ST6GALNAC3: variants seen among roughly 807,000 people sequenced by gnomAD.
ST6GALNAC3 encodes alpha-N-acetylgalactosaminide alpha-2,6-sialyltransferase 3.
Under a neutral mutation model 32.7 loss-of-function variants are expected in ST6GALNAC3, and 25 were observed. The ratio of observed to expected loss-of-function variants is 0.76; its 90% CI spans 0.56 to 1.07. The LOEUF (loss-of-function observed/expected upper bound fraction) is 1.07. ST6GALNAC3 is among the 50% of genes least tolerant of loss of function. The pLI, the probability that ST6GALNAC3 is intolerant of heterozygous loss-of-function variation, is 0.00. For synonymous variants in ST6GALNAC3, 129 were observed against 133.1 expected, an observed-to-expected ratio of 0.97 and a Z score of 0.21; for missense variants, 355 against 382.4, an observed-to-expected ratio of 0.93 and a Z score of 0.60.
At chr1:76,216,825 A>G (rs1341371734) in intron 1 of ST6GALNAC3, among the ~76,000 whole-genome samples, 2 of 152,214 alleles carry the variant, frequency 1.3e-5, no homozygotes, top group Non-Finnish European at 2.9e-5. Context: ...TTTGATGTGT[A>G]AAAATTAGTG....
chr1:76,247,148 A>T lies in ST6GALNAC3; in HGVS notation c.19-66657A>T, dbSNP rs185402475. Among the ~76,000 whole-genome samples the T allele has an allele frequency of 1.3e-3, 194 of 152,258 alleles. 1 individual carries two copies. Among genetic ancestry groups the T allele is most frequent in the African/African-American group, 4.6e-3 (193 of 41,560 alleles). ...CAGTGGAGGCTGCAGAACAGCAAAGATTGCTTCTTACTCCTTCCTCTGGAA... is the reference window on the plus strand; with the variant it reads ...CAGTGGAGGCTGCAGAACAGCAAAGTTTGCTTCTTACTCCTTCCTCTGGAA... On this transcript the variant is annotated intron_variant, in intron 1 of 4. Transcript: ENST00000328299.
chr1:76,174,671 T>TC (rs1652738587), intron 1 of ST6GALNAC3, among the ~76,000 whole-genome samples: 1 of 149,662 alleles, frequency 6.7e-6, no homozygotes, highest in Non-Finnish European at 1.5e-5. Context: ...TTCTTTTTTT[T>TC]TTTTCTTTTT....
intron 1 of ST6GALNAC3, among the ~76,000 whole-genome samples, chr1:76,271,746 G>T (rs931807083): frequency 1.3e-5 from 2 of 152,202 alleles, no homozygotes; most frequent in Non-Finnish European, 2.9e-5. Context: ...TTTGGGAAAA[G>T]ACTGCTGAAA....
chr1:76,504,067 A>G (rs1396015532), intron 3 of ST6GALNAC3, among the ~76,000 whole-genome samples: 1 of 152,200 alleles, frequency 6.6e-6, no homozygotes, highest in Non-Finnish European at 1.5e-5. Context: ...TCGGTGGCTT[A>G]AAACAACAGA....
chr1:76,209,763 C>G (rs1324618966), intron 1 of ST6GALNAC3, among the ~76,000 whole-genome samples: 2 of 152,182 alleles, frequency 1.3e-5, no homozygotes, highest in Non-Finnish European at 2.9e-5. Context: ...GTCAGTTATT[C>G]TTTACTCAGT....
At chr1:76,179,465 G>A (rs952220697) in intron 1 of ST6GALNAC3, among the ~76,000 whole-genome samples, 1 of 152,144 alleles carries the variant, frequency 6.6e-6, no homozygotes, top group Non-Finnish European at 1.5e-5. Flanking sequence ...CACCATGTGT[G>A]GCCTGGATTA....
intron 2 of ST6GALNAC3, among the ~76,000 whole-genome samples, chr1:76,326,827 T>G (rs982636818): frequency 3.5e-4 from 2 of 5,744 alleles, no homozygotes; most frequent in Non-Finnish European, 6.5e-4. Flanking sequence ...AAGTTTTGGG[T>G]TTTTTTTTTT....
intron 1 of ST6GALNAC3, among the ~76,000 whole-genome samples, chr1:76,209,376 G>A (rs1318093356): frequency 1.3e-5 from 2 of 152,166 alleles, no homozygotes; most frequent in Non-Finnish European, 2.9e-5. Flanking sequence ...TGTGCAGATT[G>A]CATCCTGGTC....
intron 2 of ST6GALNAC3, among the ~76,000 whole-genome samples, chr1:76,406,344 A>G (rs539427433): frequency 6.6e-6 from 1 of 152,086 alleles, no homozygotes; most frequent in Admixed American, 6.6e-5. Flanking sequence ...ATCATCTGCC[A>G]TGGTCTTTTT....
chr1:76,296,461 C>A (rs2100834012), intron 1 of ST6GALNAC3, among the ~76,000 whole-genome samples: 1 of 152,220 alleles, frequency 6.6e-6, no homozygotes, highest in South Asian at 2.1e-4. Flanking sequence ...TCCTGGACTT[C>A]TTTTCTCCCA....
chr1:76,302,464 T>A (rs1660782939), intron 1 of ST6GALNAC3, among the ~76,000 whole-genome samples: 1 of 152,022 alleles, frequency 6.6e-6, no homozygotes, highest in Non-Finnish European at 1.5e-5. Flanking sequence ...GAATAGCTGT[T>A]TGGTGTTTCA....
chr1:76,611,833 C>T lies in ST6GALNAC3; in HGVS notation c.624-15619C>T, dbSNP rs527665423. On this transcript the variant is annotated intron_variant, in intron 3 of 4. Coordinates refer to ENST00000328299, the MANE Select transcript of ST6GALNAC3 (RefSeq NM_152996.4). ...ACAAAGCTAAAAATCATTCCTTACC[C>T]TTGATTAGAGAAAAATCTGATTTTC... is the stretch of plus-strand genomic sequence containing the variant. 6.6e-5 allele frequency among the ~76,000 whole-genome samples: 10 copies of T among 152,230 alleles called. No individual in the cohort carries two copies. The East Asian group carries it at 1.7e-3, about 27-fold the overall frequency.
chr1:76,545,583 C>A (rs1309470834), intron 3 of ST6GALNAC3, among the ~76,000 whole-genome samples: 1 of 152,016 alleles, frequency 6.6e-6, no homozygotes, highest in African/African-American at 2.4e-5. Flanking sequence ...TCATGCACTG[C>A]ACTAAGTGTT....
chr1:76,263,388 TA>T (rs57652739), intron 1 of ST6GALNAC3, among the ~76,000 whole-genome samples: 13,091 of 152,138 alleles, frequency 0.086, 1,871 homozygotes, highest in African/African-American at 0.3. Context: ...CCTTATGTAA[TA>T]TTTTTTTATA....
At chr1:76,117,400 T>G (rs1648551080) in intron 1 of ST6GALNAC3, among the ~76,000 whole-genome samples, 1 of 152,236 alleles carries the variant, frequency 6.6e-6, no homozygotes, top group African/African-American at 2.4e-5. Flanking sequence ...GTGTAAAAAC[T>G]TAAGAAGTGA....
chr1:76,222,683 AAAC>A (rs869141330), intron 1 of ST6GALNAC3, among the ~76,000 whole-genome samples: 2 of 152,190 alleles, frequency 1.3e-5, no homozygotes, highest in East Asian at 1.9e-4. Context: ...AAAAACAAAC[AAAC>A]AAAAAAATAA....
chr1:76,343,224 C>T (rs1004599124), intron 2 of ST6GALNAC3, among the ~76,000 whole-genome samples: 3 of 152,132 alleles, frequency 2.0e-5, no homozygotes, highest in African/African-American at 7.2e-5. Flanking sequence ...TAAATGCCTA[C>T]ATTTTGCAGA....
intron 3 of ST6GALNAC3, among the ~76,000 whole-genome samples, chr1:76,531,460 T>A (rs1007900874): frequency 6.6e-6 from 1 of 152,168 alleles, no homozygotes; most frequent in Non-Finnish European, 1.5e-5. Context: ...AATAACATGT[T>A]TGCTAACATG....
chr1:76,493,787 A>G (rs1225755046), intron 3 of ST6GALNAC3, among the ~76,000 whole-genome samples: 3 of 152,314 alleles, frequency 2.0e-5, no homozygotes, highest in Non-Finnish European at 4.4e-5. Context: ...TATTAAAAAA[A>G]GAAGAGGTAT....
Sources: gnomAD v4.1 joint callset for allele counts (sites outside exome capture counted in the v4.1 genomes callset) on GRCh38, gnomAD v4.1.1 for gene constraint, MANE v1.5 for transcripts, NCBI Gene and HGNC (gene_info 2026-07-23, HGNC 2026-07-21) for gene names.